The following MTUS2 variants were observed in gnomAD, a reference collection of about 807,000 sequenced individuals.
MTUS2 encodes microtubule-associated tumor suppressor candidate 2.
Under a neutral mutation model 114.1 loss-of-function variants are expected in MTUS2, and 40 were observed. The ratio of observed to expected loss-of-function variants is 0.35; its 90% CI spans 0.27 to 0.46. MTUS2 has a LOEUF of 0.46. Among genes scored for constraint, MTUS2 ranks in the 20% least tolerant of loss-of-function variants. The pLI is 1.00. For synonymous variants in MTUS2, 688 were observed against 672.0 expected (o/e 1.02, Z -0.37); for missense variants, 1,679 against 1,705.4 (o/e 0.98, Z 0.27).
chr13:29,409,948 T>C (rs1490785800), intron 8 of MTUS2, among the ~76,000 whole-genome samples: 1 of 152,190 alleles, frequency 6.6e-6, no homozygotes, highest in African/African-American at 2.4e-5. Context: ...TTGTTAAAGA[T>C]ATATCCTCAG....
At chr13:29,269,168 A>T (rs1370228048) in intron 5 of MTUS2, among the ~76,000 whole-genome samples, 1 of 152,196 alleles carries the variant, frequency 6.6e-6, no homozygotes, top group African/African-American at 2.4e-5. Context: ...TAGCTTAACA[A>T]CTGACAGTCA....
rs565594678 is a variant in MTUS2, at chr13:29,418,507, A to G, written c.3118-21476A>G. 9.8e-5 allele frequency among the ~76,000 whole-genome samples: 15 copies of G among 152,334 alleles called. No homozygotes were observed. The East Asian group carries it at 2.9e-3, about 29-fold the overall frequency. ...CTTCCTATCTATTTCACTTCTAGGA[A>G]TATCATGATCAGCTAGCCAACTTCC... On this transcript the variant is annotated intron_variant, in intron 8 of 15. Transcript: ENST00000612955.
intron 7 of MTUS2, among the ~76,000 whole-genome samples, chr13:29,351,260 A>G (rs894916945): frequency 1.3e-5 from 2 of 152,236 alleles, no homozygotes; most frequent in Admixed American, 1.3e-4. Flanking sequence ...TGCCTCCATC[A>G]GGCCTTTGGG....
intron 2 of MTUS2, among the ~76,000 whole-genome samples, chr13:28,969,868 C>T (rs531782389): frequency 3.1e-4 from 47 of 152,290 alleles, no homozygotes; most frequent in Admixed American, 2.0e-3. Flanking sequence ...GCAACCTCTG[C>T]CTCCTGGGTT....
intron 5 of MTUS2, among the ~76,000 whole-genome samples, chr13:29,213,828 G>A (rs1295323080): frequency 2.0e-5 from 3 of 151,922 alleles, no homozygotes; most frequent in Non-Finnish European, 4.4e-5. Context: ...ATTTAATTTA[G>A]TTTAAATCTA....
chr13:28,896,624 T>A (rs1478909416), intron 2 of MTUS2, among the ~76,000 whole-genome samples: 8 of 152,236 alleles, frequency 5.3e-5, no homozygotes, highest in East Asian at 1.9e-4. Flanking sequence ...ACAAAGCTGG[T>A]GGCGTCACGC....
intron 2 of MTUS2, among the ~76,000 whole-genome samples, chr13:29,013,977 C>T (rs985849513): frequency 6.6e-6 from 1 of 152,212 alleles, no homozygotes; most frequent in African/African-American, 2.4e-5. Flanking sequence ...ATCATTTTCC[C>T]TCAGGAGATA....
chr13:29,037,763 G>A (rs1051723769), intron 4 of MTUS2, among the ~76,000 whole-genome samples: 1 of 151,792 alleles, frequency 6.6e-6, no homozygotes, highest in African/African-American at 2.4e-5. Context: ...CATTAAGTTG[G>A]TCTTCAATCT....
At chr13:29,183,508 A>G (rs1894094891) in intron 5 of MTUS2, among the ~76,000 whole-genome samples, 2 of 152,212 alleles carry the variant, frequency 1.3e-5, no homozygotes, top group African/African-American at 2.4e-5. Context: ...AGTTGGAGCT[A>G]GAGATGTAAA....
At chr13:29,056,107 G>A (rs1284960170) in intron 4 of MTUS2, among the ~76,000 whole-genome samples, 2 of 151,964 alleles carry the variant, frequency 1.3e-5, no homozygotes, top group Non-Finnish European at 1.5e-5. Context: ...ATTGCTTTTG[G>A]TGTTTTTGAA....
At chr13:29,007,898 G>A (rs1239074553) in intron 2 of MTUS2, among the ~76,000 whole-genome samples, 1 of 152,156 alleles carries the variant, frequency 6.6e-6, no homozygotes, top group African/African-American at 2.4e-5. Context: ...AGTTATTTGT[G>A]GATTTTCAAC....
chr13:28,938,451 T>G (rs939736766), intron 2 of MTUS2, among the ~76,000 whole-genome samples: 3 of 152,140 alleles, frequency 2.0e-5, no homozygotes, highest in African/African-American at 7.2e-5. Context: ...GTCTTATGAT[T>G]ATTGTTGTGT....
intron 4 of MTUS2, among the ~76,000 whole-genome samples, chr13:29,039,390 C>T (rs1318726926): frequency 2.0e-5 from 3 of 152,322 alleles, no homozygotes; most frequent in Non-Finnish European, 2.9e-5. Flanking sequence ...CAAAGCATCG[C>T]GCGCCGGGCA....
intron 8 of MTUS2, among the ~76,000 whole-genome samples, chr13:29,407,490 ATTTT>A (rs1235553970): frequency 1.0e-5 from 1 of 96,564 alleles, no homozygotes; most frequent in Non-Finnish European, 2.5e-5. Flanking sequence ...TTATTTATTT[ATTTT>A]GAGATGGAGT....
chr13:29,259,942 T>C (rs1250707442), intron 5 of MTUS2, among the ~76,000 whole-genome samples: 1 of 152,174 alleles, frequency 6.6e-6, no homozygotes, highest in Non-Finnish European at 1.5e-5. Context: ...GGTCCCAGAG[T>C]TGCTGTGTAC....
At chr13:29,168,739 C>T (rs1011911343) in intron 5 of MTUS2, among the ~76,000 whole-genome samples, 13 of 152,096 alleles carry the variant, frequency 8.5e-5, no homozygotes, top group African/African-American at 2.4e-4. Context: ...TTATTCCACC[C>T]GAAGCCCTTA....
intron 4 of MTUS2, among the ~76,000 whole-genome samples, chr13:29,084,792 T>A (rs604547): frequency 7.6e-5 from 9 of 119,040 alleles, no homozygotes; most frequent in African/African-American, 1.8e-4. Flanking sequence ...CCCCCCCCCC[T>A]CACCGTTGGC....
At chr13:28,918,513 AT>A (rs1436663496) in intron 2 of MTUS2, among the ~76,000 whole-genome samples, 2 of 151,420 alleles carry the variant, frequency 1.3e-5, no homozygotes, top group African/African-American at 4.8e-5. Context: ...GACATGGGAT[AT>A]TTTTTTCCAT....
At chr13:29,313,797 C>T (rs1419050855) in intron 6 of MTUS2, among the ~76,000 whole-genome samples, 1 of 151,990 alleles carries the variant, frequency 6.6e-6, no homozygotes, top group Non-Finnish European at 1.5e-5. Context: ...GGAGAAGGCA[C>T]CAAGAACTTC....
Sources: allele counts gnomAD v4.1 joint callset (sites outside exome capture counted in the v4.1 genomes callset), GRCh38; gene constraint gnomAD v4.1.1; transcripts MANE v1.5; gene names NCBI Gene and HGNC (gene_info 2026-07-23, HGNC 2026-07-21).